The following EPHA1 variants were observed in gnomAD, a reference collection of about 807,000 sequenced individuals.
The protein encoded by EPHA1 is EPH receptor A1, also known as ephrin type-A receptor 1.
EPHA1 carries 92 observed loss-of-function variants against 110.1 expected under a neutral mutation model. The ratio of observed to expected loss-of-function variants is 0.84; its 90% CI spans 0.71 to 0.99. The LOEUF (loss-of-function observed/expected upper bound fraction) is 0.99. EPHA1 is among the 50% of genes least tolerant of loss of function. EPHA1 has a pLI of 0.00. For synonymous variants in EPHA1, 500 were observed against 516.1 expected (o/e 0.97, Z 0.42); for missense variants, 1,204 against 1,285.4 (o/e 0.94, Z 0.97).
chr7:143,398,957 G>A lies in EPHA1; in HGVS notation c.992-12C>T, dbSNP rs1228262261. Reference sequence around the variant, plus strand: ...GGCCGAGGGGGGACCTGTGGGAGAAGAGGAGCCATCAGTAGAAGCCGACCT... The same window carrying A: ...GGCCGAGGGGGGACCTGTGGGAGAAAAGGAGCCATCAGTAGAAGCCGACCT... On this transcript the variant is annotated splice_polypyrimidine_tract_variant and intron_variant, in intron 5 of 17. Coordinates refer to ENST00000275815, the MANE Select transcript of EPHA1 (RefSeq NM_005232.5). 6.3e-7 allele frequency: 1 copy of A among 1,583,242 alleles called. No homozygotes were observed. The highest frequency in any genetic ancestry group is 8.6e-7 in the Non-Finnish European group (1 of 1,164,652).
Position 143,401,256 on chromosome 7 carries a change from T to G in EPHA1, c.432+68A>C, listed in dbSNP as rs1563119331. On this transcript the variant is annotated intron_variant, in intron 3 of 17. Coordinates refer to ENST00000275815, the MANE Select transcript of EPHA1 (RefSeq NM_005232.5). The surrounding 1 kb of genome is among the most constrained non-coding windows in gnomAD (Gnocchi z 4.1). ...CCCTCTTCCTGTCTCTGCAACCTTC[T>G]CTGGCACCCAATAAGGAGCCACCAG... The G allele has an allele frequency of 2.6e-6, 4 of 1,558,526 alleles. No individual in the cohort carries two copies. Among genetic ancestry groups the G allele is most frequent in the Non-Finnish European group, 3.5e-6 (4 of 1,149,292 alleles).
In EPHA1 at chr7:143,391,706, G is replaced by A. The variant is rs561599348; in HGVS notation, c.2766C>T (p.Leu922=). 22 of 1,614,020 alleles carry A rather than the reference G, an allele frequency of 1.4e-5. No homozygotes were observed. The highest frequency in any genetic ancestry group is 6.7e-5 in the East Asian group (3 of 44,876). Residue 922 remains leucine, a synonymous_variant, in exon 17 of 18, where the codon CTC becomes CTT. Coordinates refer to ENST00000275815, the MANE Select transcript of EPHA1 (RefSeq NM_005232.5). ...TGTAGCGTTTCATGCGTATGGACTCGAGCCACTCAGAGACGGTTCGATATG... is the reference window on the plus strand; with the variant it reads ...TGTAGCGTTTCATGCGTATGGACTCAAGCCACTCAGAGACGGTTCGATATG... The part of the protein sequence containing the change: ...GIPYRTVSEW[L]ESIRMKRYIL...
At chr7:143,407,464 G>A (rs1318008581) in intron 2 of EPHA1, 147 bp downstream of exon 2, 3 of 689,398 alleles carry the variant, frequency 4.4e-6, no homozygotes, top group South Asian at 1.9e-5. Flanking sequence ...CCATTGAGGA[G>A]GCTCTGACTC....
At position 143,397,413 on chromosome 7, in the gene EPHA1, G is replaced by T. The variant is rs770689905; in HGVS notation, c.1713-51C>A. The T allele has an allele frequency of 1.0e-5, 16 of 1,550,906 alleles. 1 individual carries two copies. In the South Asian group the frequency reaches 1.8e-4, roughly 17 times the overall value. Reference sequence around the variant, plus strand: ...TCAGGGCCCCAGGACCACCTCAGGGGTCCGAGGGACTCTGGCTGAATCTTC... The same window carrying T: ...TCAGGGCCCCAGGACCACCTCAGGGTTCCGAGGGACTCTGGCTGAATCTTC... On this transcript the variant is annotated intron_variant, in intron 9 of 17. Coordinates refer to ENST00000275815, the MANE Select transcript of EPHA1 (RefSeq NM_005232.5).
intron 3 of EPHA1, 48 bp from the exon 4 acceptor site, chr7:143,400,101 T>C: frequency 6.5e-7 from 1 of 1,534,940 alleles, no homozygotes; most frequent in South Asian, 1.3e-5. Flanking sequence ...AAGTCCTGCT[T>C]CTTTCCCACA....
rs190072564 is a variant in EPHA1, at chr7:143,398,941, G to T, written c.996C>A (p.Pro332=). ...GEGPQVACTG[P]PSAPRNLSFS... is the part of the protein sequence containing the mutation. ...AGCTCAGGTTTCGGGGGGCCGAGGG[G>T]GGACCTGTGGGAGAAGAGGAGCCAT... is the stretch of plus-strand genomic sequence containing the variant. The change falls in exon 6 of 18, where the codon CCC becomes CCA. Residue 332 remains proline, a synonymous_variant. Transcript: ENST00000275815. 4.0e-4 allele frequency: 635 copies of T among 1,596,350 alleles called. 1 individual carries two copies. In the African/African-American group the frequency reaches 8.0e-3, roughly 20 times the overall value.
At chr7:143,398,163 A>G (rs35251323) in intron 7 of EPHA1, 93 bp from the exon 8 acceptor site, 537,280 of 1,580,626 alleles carry the variant, frequency 0.34, 99,261 homozygotes, top group Non-Finnish European at 0.38. Context: ...GGGGCTGGAG[A>G]GCAGAATGGT....
At position 143,398,936 on chromosome 7, in the gene EPHA1, G is replaced by A. The variant is rs754919004; in HGVS notation, c.1001C>T (p.Ser334Leu). The A allele has an allele frequency of 1.4e-5, 23 of 1,602,354 alleles. No individual in the cohort carries two copies. Among genetic ancestry groups the A allele is most frequent in the South Asian group, 8.9e-5 (8 of 89,696 alleles). ...AGAGAAGCTCAGGTTTCGGGGGGCC[G>A]AGGGGGGACCTGTGGGAGAAGAGGA... ...GPQVACTGPP[S>L]APRNLSFSAS... is the part of the protein sequence containing the mutation. Residue 334 changes from serine (S) to leucine (L), a missense_variant, in exon 6 of 18, where the codon TCG becomes TTG. Transcript: ENST00000275815.
rs1233481669 is a variant in EPHA1 at position 143,399,424 on chromosome 7, A to T, written c.836-11T>A. On this transcript the variant is annotated splice_polypyrimidine_tract_variant and intron_variant, in intron 4 of 17. Coordinates refer to ENST00000275815, the MANE Select transcript of EPHA1 (RefSeq NM_005232.5). ...AGCCGCTAGGGCAGGCTGGAGAGAG[A>T]ACGCAGCAGAGCAGTGGTTCTGTAA... 6.4e-7 allele frequency: 1 copy of T among 1,572,984 alleles called. No homozygotes were observed. Among genetic ancestry groups the T allele is most frequent in the East Asian group, 2.2e-5 (1 of 44,492 alleles).
At chr7:143,407,511 T>A (rs1805587143) in intron 2 of EPHA1, 100 bp downstream of exon 2, 1 of 1,240,052 alleles carries the variant, frequency 8.1e-7, no homozygotes, top group Non-Finnish European at 1.1e-6. Flanking sequence ...ACACTTCCAG[T>A]TTTTCCTGCT....
Position 143,398,984 on chromosome 7 carries a change from G to C in EPHA1, c.992-39C>G, listed in dbSNP as rs201545875. 2.8e-5 allele frequency: 42 copies of C among 1,512,676 alleles called. No individual in the cohort carries two copies. In the African/African-American group the frequency reaches 5.8e-4, roughly 21 times the overall value. 93.7% of individuals were successfully genotyped at this position (1,512,676 alleles called of 1,614,324 possible). ...GGAGCCATCAGTAGAAGCCGACCTCGCTGTCACCCGAGCTGCTGATCCCCG... is the reference window on the plus strand; with the variant it reads ...GGAGCCATCAGTAGAAGCCGACCTCCCTGTCACCCGAGCTGCTGATCCCCG... On this transcript the variant is annotated intron_variant, in intron 5 of 17. Coordinates refer to ENST00000275815, the MANE Select transcript of EPHA1 (RefSeq NM_005232.5).
chr7:143,391,762 G>A lies in EPHA1; in HGVS notation c.2710C>T (p.Leu904=), dbSNP rs1805094311. The A allele has an allele frequency of 6.2e-7, 1 of 1,613,764 alleles. No homozygotes were observed. Among genetic ancestry groups the A allele is most frequent in the East Asian group, 2.2e-5 (1 of 44,896 alleles). The change falls in exon 17 of 18, where the codon CTG becomes TTG. Residue 904 remains leucine (L), a synonymous_variant. Transcript: ENST00000275815. ...CCATCTGAGCCACTCAGGCTGGGCA[G>A]GCGAAGAGTCATCCTGTGGGACATG... ...ANFDPRMTLR[L]PSLSGSDGIP...
chr7:143,395,237 C>T lies in EPHA1; in HGVS notation c.2084-55G>A. On this transcript the variant is annotated intron_variant, in intron 12 of 17. Transcript: ENST00000275815. This position sits in a 1 kb window ranked among gnomAD's most constrained non-coding sequence, Gnocchi z 4.7. ...GAACCGGGCTTCCTGCCCTTGGCCACACATCCTCCCTCCACTTCCAGTGGT... is the reference window on the plus strand; with the variant it reads ...GAACCGGGCTTCCTGCCCTTGGCCATACATCCTCCCTCCACTTCCAGTGGT... 2 of 1,613,152 alleles carry T rather than the reference C, an allele frequency of 1.2e-6. No individual in the cohort carries two copies. Among genetic ancestry groups the T allele is most frequent in the Non-Finnish European group, 1.7e-6 (2 of 1,179,960 alleles).
At chr7:143,405,437 G>GTGTGCA (rs1491428094) in intron 2 of EPHA1, among the ~76,000 whole-genome samples, 1 of 14,760 alleles carries the variant, frequency 6.8e-5, no homozygotes, top group Non-Finnish European at 2.0e-4. Context: ...GCATGTGTGC[G>GTGTGCA]TGTGTGTGTG....
chr7:143,398,076 G>T lies in EPHA1; in HGVS notation c.1465-6C>A, dbSNP rs1805310153. On this transcript the variant is annotated splice_polypyrimidine_tract_variant and splice_region_variant and intron_variant, in intron 7 of 17. Transcript: ENST00000275815. ...ATCTGGTACCGTTCTTCATCCTGTG[G>T]GTTGGAGTTGCATTAAGTGGGCAGT... 6.2e-7 allele frequency: 1 copy of T among 1,613,708 alleles called. No homozygotes were observed. The highest frequency in any genetic ancestry group is 1.3e-5 in the African/African-American group (1 of 74,922).
intron 9 of EPHA1, 67 bp from the exon 10 acceptor site, chr7:143,397,429 C>T: frequency 6.4e-7 from 1 of 1,563,906 alleles, no homozygotes. Flanking sequence ...GGGACTCTGG[C>T]TGAATCTTCC....
In EPHA1 at chr7:143,396,399, G is replaced by A. The variant is rs1805249359; in HGVS notation, c.1883C>T (p.Thr628Ile). Residue 628 changes from threonine (T) to isoleucine (I), a missense_variant, in exon 11 of 18, where the codon ACT (threonine) becomes ATT (isoleucine). Thr to Ile is a moderately conservative substitution (Grantham distance 89). Coordinates refer to ENST00000275815, the MANE Select transcript of EPHA1 (RefSeq NM_005232.5). The stretch of plus-strand genomic sequence containing the variant: ...GCAGGACTCACCTTCTCCTATGACA[G>A]TGTCCACCATCAGCCACGCTGGATC... ...ELDPAWLMVD[T>I]VIGEGEFGEV... is the part of the protein sequence containing the mutation. 1 of 1,612,674 alleles carries A rather than the reference G, an allele frequency of 6.2e-7. No individual in the cohort carries two copies.
intron 11 of EPHA1, 28 bp downstream of exon 11, chr7:143,396,357 G>A (rs769226758): frequency 6.9e-6 from 11 of 1,600,502 alleles, no homozygotes; most frequent in South Asian, 6.7e-5. Context: ...ATGGCGGGGG[G>A]CCTGCTGCGG....
chr7:143,396,716 C>T, intron 10 of EPHA1: 6 of 581,586 alleles, frequency 1.0e-5, no homozygotes, highest in Non-Finnish European at 1.8e-5. Flanking sequence ...CCGCTGTCCT[C>T]ACTCCACAAG....
Sources: gnomAD v4.1 joint callset for allele counts (sites outside exome capture counted in the v4.1 genomes callset) on GRCh38, gnomAD v4.1.1 for gene constraint, Gnocchi (gnomAD v3.1) non-coding constraint, MANE v1.5 for transcripts, NCBI Gene and HGNC (gene_info 2026-07-23, HGNC 2026-07-21) for gene names.